The following FYN variants were observed in gnomAD, a reference collection of about 807,000 sequenced individuals.
FYN encodes the protein tyrosine-protein kinase Fyn.
Under a neutral mutation model 70.2 loss-of-function variants are expected in FYN, and 10 were observed. That is an observed-to-expected ratio of 0.14 (90% CI 0.09 to 0.24). The LOEUF is 0.24. FYN is among the 10% of genes least tolerant of loss of function. The pLI, the probability that FYN is intolerant of heterozygous loss-of-function variation, is 1.00. For synonymous variants in FYN, 236 were observed against 248.6 expected (o/e 0.95, Z 0.48); for missense variants, 319 against 673.1 (o/e 0.47, Z 5.82).
At chr6:111,723,450 C>T (rs1283811158) in intron 3 of FYN, among the ~76,000 whole-genome samples, 1 of 152,188 alleles carries the variant, frequency 6.6e-6, no homozygotes, top group Non-Finnish European at 1.5e-5. Context: ...CCACTTCACG[C>T]ATTTGACATT....
At position 111,771,741 on chromosome 6, in the gene FYN, A is replaced by G. The variant is rs569554151; in HGVS notation, c.-12+8825T>C. ...TATCTGAATTAGTCACCGCCATTGA[A>G]AAGTCGGAATGGTTAACATAAAGAT... On this transcript the variant is annotated intron_variant, in intron 3 of 13. Coordinates refer to ENST00000354650, the MANE Select transcript of FYN (RefSeq NM_002037.5). Among the ~76,000 whole-genome samples the G allele has an allele frequency of 6.2e-4, 94 of 152,328 alleles. 1 individual carries two copies. The highest frequency in any genetic ancestry group is 2.2e-3 in the African/African-American group (92 of 41,572).
chr6:111,736,390 A>G (rs938404738), intron 3 of FYN, among the ~76,000 whole-genome samples: 1 of 152,232 alleles, frequency 6.6e-6, no homozygotes, highest in Non-Finnish European at 1.5e-5. Flanking sequence ...GAACAGTCAG[A>G]GGATGTAAAC....
chr6:111,761,731 A>G (rs1803015238), intron 3 of FYN, among the ~76,000 whole-genome samples: 1 of 152,182 alleles, frequency 6.6e-6, no homozygotes, highest in Non-Finnish European at 1.5e-5. Flanking sequence ...GGATGCTGCC[A>G]TGGCAGGCAA....
intron 2 of FYN, among the ~76,000 whole-genome samples, chr6:111,817,810 G>C (rs1490280714): frequency 6.6e-6 from 1 of 152,212 alleles, no homozygotes; most frequent in African/African-American, 2.4e-5. Context: ...TTCAATCCAG[G>C]ATAAAATATA....
At chr6:111,732,778 G>A (rs911966224) in intron 3 of FYN, among the ~76,000 whole-genome samples, 3 of 152,168 alleles carry the variant, frequency 2.0e-5, no homozygotes, top group South Asian at 2.1e-4. Flanking sequence ...AGTGGGTGTG[G>A]TGCTGGTGAA....
In FYN at chr6:111,859,287, C is replaced by T. The variant is rs146935611; in HGVS notation, c.-122-12658G>A. 1.9e-4 allele frequency among the ~76,000 whole-genome samples: 29 copies of T among 152,306 alleles called. No individual in the cohort carries two copies. The East Asian group carries it at 5.2e-3, about 27-fold the overall frequency. On this transcript the variant is annotated intron_variant, in intron 1 of 13. Coordinates refer to ENST00000354650, the MANE Select transcript of FYN (RefSeq NM_002037.5). The stretch of plus-strand genomic sequence containing the variant: ...AAACCAATGCCCAACTCTAAGTCAC[C>T]GCAAGGCCAGATTTTTCATTCCAAA...
chr6:111,829,313 TC>T (rs1772938868), intron 2 of FYN, among the ~76,000 whole-genome samples: 1 of 152,174 alleles, frequency 6.6e-6, no homozygotes, highest in Non-Finnish European at 1.5e-5. Flanking sequence ...GCCTCTGATT[TC>T]TCACCTGATG....
intron 2 of FYN, among the ~76,000 whole-genome samples, chr6:111,826,921 A>C (rs1275563244): frequency 6.6e-6 from 1 of 152,224 alleles, no homozygotes; most frequent in Middle Eastern, 3.4e-3. Flanking sequence ...GCTGGAAGGG[A>C]CCTTAGAAAG....
At chr6:111,761,346 CT>C (rs1415772635) in intron 3 of FYN, among the ~76,000 whole-genome samples, 1 of 152,202 alleles carries the variant, frequency 6.6e-6, no homozygotes, top group Admixed American at 6.5e-5. Flanking sequence ...CCTGTTCTTC[CT>C]TCTAGCCTGT....
intron 2 of FYN, among the ~76,000 whole-genome samples, chr6:111,815,617 A>T (rs993320618): frequency 6.6e-6 from 1 of 152,224 alleles, no homozygotes; most frequent in Non-Finnish European, 1.5e-5. Context: ...GAGGAAAAAA[A>T]TACTAGAATA....
Position 111,720,070 on chromosome 6 carries a change from A to T in FYN, c.-11-8T>A. The T allele has an allele frequency of 6.4e-7, 1 of 1,573,320 alleles. No individual in the cohort carries two copies. Among genetic ancestry groups the T allele is most frequent in the Non-Finnish European group, 8.7e-7 (1 of 1,154,704 alleles). The stretch of plus-strand genomic sequence containing the variant: ...AGCCCATTATCTAAATTCCTGCCAA[A>T]GACAAAAAAGGGGGCACGTAAGCTG... On this transcript the variant is annotated splice_polypyrimidine_tract_variant and splice_region_variant and intron_variant, in intron 3 of 13. Coordinates refer to ENST00000354650, the MANE Select transcript of FYN (RefSeq NM_002037.5).
At chr6:111,728,476 C>T (rs1801289105) in intron 3 of FYN, among the ~76,000 whole-genome samples, 1 of 152,168 alleles carries the variant, frequency 6.6e-6, no homozygotes, top group Non-Finnish European at 1.5e-5. Flanking sequence ...CAGAAAGAAA[C>T]CCATGCCCAT....
chr6:111,820,197 C>G (rs1265987584), intron 2 of FYN: 1 of 152,226 alleles, frequency 6.6e-6, no homozygotes, highest in Non-Finnish European at 1.5e-5. Flanking sequence ...TAAACCTCAA[C>G]TATTTTCCTA....
At chr6:111,736,422 A>G (rs1267712810) in intron 3 of FYN, among the ~76,000 whole-genome samples, 1 of 152,230 alleles carries the variant, frequency 6.6e-6, no homozygotes, top group Non-Finnish European at 1.5e-5. Flanking sequence ...CACCAGCAAG[A>G]GTCATCAATC....
intron 1 of FYN, among the ~76,000 whole-genome samples, chr6:111,852,058 T>C: frequency 6.6e-6 from 1 of 152,114 alleles, no homozygotes; most frequent in East Asian, 1.9e-4. Context: ...TTAGAAGTAA[T>C]AAAAAGGTAC....
intron 3 of FYN, among the ~76,000 whole-genome samples, chr6:111,731,670 A>G (rs933487902): frequency 6.6e-6 from 1 of 152,254 alleles, no homozygotes; most frequent in Non-Finnish European, 1.5e-5. Flanking sequence ...CAGATAAAGT[A>G]GCCAGTCAGA....
At chr6:111,743,789 G>A (rs1802088338) in intron 3 of FYN, among the ~76,000 whole-genome samples, 1 of 152,218 alleles carries the variant, frequency 6.6e-6, no homozygotes, top group Admixed American at 6.5e-5. Flanking sequence ...TGGAGTGACT[G>A]TGGTCTCCTT....
At chr6:111,801,556 C>T (rs536864596) in intron 2 of FYN, among the ~76,000 whole-genome samples, 5 of 152,186 alleles carry the variant, frequency 3.3e-5, no homozygotes, top group Admixed American at 2.6e-4. Context: ...ACAGAACTTC[C>T]GTACCAGCCA....
At chr6:111,854,347 C>T (rs1773765927) in intron 1 of FYN, among the ~76,000 whole-genome samples, 1 of 152,158 alleles carries the variant, frequency 6.6e-6, no homozygotes, top group African/African-American at 2.4e-5. Flanking sequence ...GCAGTATGCT[C>T]ACCATAAAAC....
Sources: allele counts gnomAD v4.1 joint callset (sites outside exome capture counted in the v4.1 genomes callset), GRCh38; gene constraint gnomAD v4.1.1; transcripts MANE v1.5; gene names NCBI Gene and HGNC (gene_info 2026-07-23, HGNC 2026-07-21).